PRKAG1: variants seen among roughly 807,000 people sequenced by gnomAD.
PRKAG1 encodes the protein 5'-AMP-activated protein kinase subunit gamma-1.
In PRKAG1, 27 loss-of-function variants were observed where a neutral mutation model predicts 48.2. That is an observed-to-expected ratio of 0.56 (90% CI 0.41 to 0.77). The LOEUF is 0.77. PRKAG1 is among the 30% of genes least tolerant of loss of function. The pLI is 0.00. For missense variants in PRKAG1, 287 were observed against 398.3 expected, an observed-to-expected ratio of 0.72 and a Z score of 2.38; for synonymous variants, 130 against 147.7, an observed-to-expected ratio of 0.88 and a Z score of 0.87.
In PRKAG1 at chr12:49,005,266, C is replaced by G; in HGVS notation, c.309+40G>C. 6.2e-7 allele frequency: 1 copy of G among 1,613,072 alleles called. No homozygotes were observed. The highest frequency in any genetic ancestry group is 8.5e-7 in the Non-Finnish European group (1 of 1,179,168). On this transcript the variant is annotated intron_variant, in intron 5 of 11. Coordinates refer to ENST00000548065, the MANE Select transcript of PRKAG1 (RefSeq NM_002733.5). This position sits in a 1 kb window ranked among gnomAD's most constrained non-coding sequence, Gnocchi z 4.1. ...AGAAATGAGAATGAGGGATTTAGGG[C>G]AGGGAAAGTGATTTTGGTCATTGGG...
At position 49,003,831 on chromosome 12, in the gene PRKAG1, G is replaced by A; in HGVS notation, c.629C>T (p.Thr210Ile). The A allele has an allele frequency of 1.2e-6, 2 of 1,614,114 alleles. No individual in the cohort carries two copies. Among genetic ancestry groups the A allele is most frequent in the Non-Finnish European group, 8.5e-7 (1 of 1,179,990 alleles). ...CCCCAGAGCCACATAGACGGGGGTG[G>A]TAGTGCGAACCATAGCAATATTGGC... ...TYANIAMVRT[T>I]TPVYVALGIF... The change falls in exon 9 of 12, where the codon ACC (threonine) becomes ATC (isoleucine). Residue 210 changes from threonine to isoleucine, a missense_variant. Coordinates refer to ENST00000548065, the MANE Select transcript of PRKAG1 (RefSeq NM_002733.5).
At chr12:49,006,929 A>G (rs1349311645) in intron 2 of PRKAG1, among the ~76,000 whole-genome samples, 1 of 149,604 alleles carries the variant, frequency 6.7e-6, no homozygotes, top group Non-Finnish European at 1.5e-5. Context: ...AGATCGCAAC[A>G]TTGCACTCCA....
At chr12:49,008,849 G>C (rs915662607) in intron 2 of PRKAG1, among the ~76,000 whole-genome samples, 1 of 152,128 alleles carries the variant, frequency 6.6e-6, no homozygotes, top group East Asian at 1.9e-4. Flanking sequence ...AAACTCATAG[G>C]ATCTCTGTTT....
At chr12:49,012,884 G>A (rs1227828019) in intron 2 of PRKAG1, 178 bp downstream of exon 2, 4 of 620,028 alleles carry the variant, frequency 6.5e-6, no homozygotes, top group South Asian at 5.8e-5. Flanking sequence ...TCCCCACTCT[G>A]CCCAAGATTT....
intron 2 of PRKAG1, among the ~76,000 whole-genome samples, chr12:49,011,273 T>C (rs988478785): frequency 6.6e-6 from 1 of 152,196 alleles, no homozygotes; most frequent in Non-Finnish European, 1.5e-5. Context: ...TTAAATACTA[T>C]CATTCAGGCC....
Position 49,002,827 on chromosome 12 carries a change from G to A in PRKAG1, c.*72C>T, listed in dbSNP as rs777020965. The A allele has an allele frequency of 2.9e-6, 4 of 1,396,570 alleles. No individual in the cohort carries two copies. The African/African-American group carries it at 5.7e-5, about 20-fold the overall frequency. 86.5% of individuals were successfully genotyped at this position (1,396,570 alleles called of 1,614,324 possible). A position where few individuals can be genotyped will look rare whatever the true frequency, so the allele number is the denominator to read the frequency against. Reference sequence around the variant, plus strand: ...GTCACAATTCCCTCAAGTTTCATCTGATTCCCACAGAGCTTCCAGCAGGCA... The same window carrying A: ...GTCACAATTCCCTCAAGTTTCATCTAATTCCCACAGAGCTTCCAGCAGGCA... On this transcript the variant is annotated 3_prime_UTR_variant, in exon 12 of 12. Transcript: ENST00000548065.
At chr12:49,009,851 G>A (rs1044433863) in intron 2 of PRKAG1, among the ~76,000 whole-genome samples, 3 of 151,924 alleles carry the variant, frequency 2.0e-5, no homozygotes, top group Non-Finnish European at 2.9e-5. Flanking sequence ...GACCTCAGGT[G>A]ATCTGCCTGC....
Position 49,002,800 on chromosome 12 carries a change from G to C in PRKAG1, c.*99C>G, listed in dbSNP as rs1565730130. On this transcript the variant is annotated 3_prime_UTR_variant, in exon 12 of 12. Coordinates refer to ENST00000548065, the MANE Select transcript of PRKAG1 (RefSeq NM_002733.5). ...GGCAGGGGACCCTGAACAGGGAACA[G>C]AGTCACAATTCCCTCAAGTTTCATC... is the stretch of plus-strand genomic sequence containing the variant. 3.5e-6 allele frequency: 4 copies of C among 1,155,690 alleles called. No individual in the cohort carries two copies. Among genetic ancestry groups the C allele is most frequent in the Non-Finnish European group, 5.1e-6 (4 of 790,040 alleles). 71.6% of individuals were successfully genotyped at this position (1,155,690 alleles called of 1,614,324 possible).
intron 8 of PRKAG1, 105 bp downstream of exon 8, chr12:49,004,402 G>C: frequency 1.4e-6 from 2 of 1,457,814 alleles, no homozygotes; most frequent in Non-Finnish European, 9.4e-7. Context: ...TCAGGAGTTT[G>C]ACACTAGCCT....
intron 2 of PRKAG1, among the ~76,000 whole-genome samples, chr12:49,007,561 G>GA (rs536696839): frequency 5.3e-5 from 8 of 151,986 alleles, no homozygotes; most frequent in Admixed American, 2.0e-4. Flanking sequence ...ATTTTGTTAA[G>GA]AAAAAATTGC....
At position 49,002,679 on chromosome 12, in the gene PRKAG1, G is replaced by A; in HGVS notation, c.*220C>T. ...AGAGGACAGGGGCTAGAACTGGCTAGGCTGAAAGTTTTTTCAAGTGTATGT... is the reference window on the plus strand; with the variant it reads ...AGAGGACAGGGGCTAGAACTGGCTAAGCTGAAAGTTTTTTCAAGTGTATGT... On this transcript the variant is annotated 3_prime_UTR_variant, in exon 12 of 12. Transcript: ENST00000548065. 1.6e-6 allele frequency: 1 copy of A among 642,722 alleles called. No individual in the cohort carries two copies. Among genetic ancestry groups the A allele is most frequent in the Non-Finnish European group, 2.8e-6 (1 of 352,486 alleles). The allele number at this position is 642,722 out of a possible 1,614,324, so 39.8% of individuals were successfully genotyped here.
intron 2 of PRKAG1, chr12:49,009,361 C>T (rs2137667989): frequency 6.6e-6 from 1 of 152,230 alleles, no homozygotes; most frequent in South Asian, 2.1e-4. Flanking sequence ...GGCCTCCCGC[C>T]TCAGTCTCCC....
intron 10 of PRKAG1, 76 bp downstream of exon 10, chr12:49,003,482 C>A: frequency 6.4e-7 from 1 of 1,560,840 alleles, no homozygotes; most frequent in Non-Finnish European, 8.8e-7. Context: ...GAAGAGACTC[C>A]CTTCTCCCTC....
Position 49,013,068 on chromosome 12 carries a change from G to A in PRKAG1, c.52C>T (p.Pro18Ser). 1 of 1,613,098 alleles carries A rather than the reference G, an allele frequency of 6.2e-7. No individual in the cohort carries two copies. The highest frequency in any genetic ancestry group is 8.5e-7 in the Non-Finnish European group (1 of 1,179,072). Residue 18 changes from proline (P) to serine (S), a missense_variant, in exon 2 of 12, where the codon CCT becomes TCT. Coordinates refer to ENST00000548065, the MANE Select transcript of PRKAG1 (RefSeq NM_002733.5). ...CTTTCTTCAGTAAACTTACCTTGAG[G>A]ATGCTCATTTTCCACAGCTGGGGAG... is the stretch of plus-strand genomic sequence containing the variant. ...DSSPAVENEH[P>S]QETPESNNSV...
rs1209692681 is a variant in PRKAG1 at position 49,005,155 on chromosome 12, T to C, written c.320A>G (p.Tyr107Cys). The change falls in exon 6 of 12, where the codon TAT becomes TGT. Residue 107 changes from tyrosine (Y) to cysteine (C), a missense_variant. Transcript: ENST00000548065. This position sits in a 1 kb window ranked among gnomAD's most constrained non-coding sequence, Gnocchi z 4.1. ...TTCTATCTTGTGTTCTTCTAGCTCATAGATCTGTACCTGAAAGCAGAAGCA... is the reference window on the plus strand; with the variant it reads ...TTCTATCTTGTGTTCTTCTAGCTCACAGATCTGTACCTGAAAGCAGAAGCA... Reference protein sequence around the residue: ...RYYKSALVQIYELEEHKIETW... With the variant: ...RYYKSALVQICELEEHKIETW... The C allele has an allele frequency of 3.1e-6, 5 of 1,614,176 alleles. No homozygotes were observed. Among genetic ancestry groups the C allele is most frequent in the Non-Finnish European group, 4.2e-6 (5 of 1,180,014 alleles).
chr12:49,004,861 G>GTGTGTA (rs1322665271), intron 7 of PRKAG1, 103 bp downstream of exon 7: 65 of 1,035,450 alleles, frequency 6.3e-5, no homozygotes, highest in Middle Eastern at 3.0e-4. Flanking sequence ...GTGTGTGTGT[G>GTGTGTA]TCTTTTCTCT....
intron 2 of PRKAG1, among the ~76,000 whole-genome samples, chr12:49,006,848 A>G (rs1941558601): frequency 6.6e-6 from 1 of 152,070 alleles, no homozygotes; most frequent in East Asian, 1.9e-4. Flanking sequence ...GCATGCCTGT[A>G]ATCCCAGCTA....
chr12:49,002,854 T>G lies in PRKAG1; in HGVS notation c.*45A>C. On this transcript the variant is annotated 3_prime_UTR_variant, in exon 12 of 12. Transcript: ENST00000548065. ...TTCCCACAGAGCTTCCAGCAGGCAG[T>G]GAGTTGGGCATATCCCCTGGTGCTG... The G allele has an allele frequency of 3.1e-5, 48 of 1,535,484 alleles. No individual in the cohort carries two copies. The highest frequency in any genetic ancestry group is 3.7e-5 in the Non-Finnish European group (41 of 1,111,672).
intron 2 of PRKAG1, among the ~76,000 whole-genome samples, chr12:49,010,692 T>C (rs866132474): frequency 3.3e-5 from 5 of 152,190 alleles, no homozygotes; most frequent in Non-Finnish European, 7.4e-5. Flanking sequence ...GTCTAAGTCA[T>C]TCATCACTCT....
Sources: gnomAD v4.1 joint callset for allele counts (sites outside exome capture counted in the v4.1 genomes callset) on GRCh38, gnomAD v4.1.1 for gene constraint, Gnocchi (gnomAD v3.1) non-coding constraint, MANE v1.5 for transcripts, NCBI Gene and HGNC (gene_info 2026-07-23, HGNC 2026-07-21) for gene names.